Variants in RTTN observed in about 807,000 individuals in gnomAD.
RTTN encodes rotatin.
In RTTN, 182 loss-of-function variants were observed where a neutral mutation model predicts 269.2. The observed-to-expected ratio is 0.68, with a 90% confidence interval of 0.60 to 0.76. RTTN has a LOEUF of 0.76. Ranked by LOEUF, RTTN falls within the 30% of genes least tolerant of loss-of-function variation. The pLI, the probability that RTTN is intolerant of heterozygous loss-of-function variation, is 0.00. For synonymous variants in RTTN, 1,006 were observed against 963.5 expected (o/e 1.04, Z -0.82); for missense variants, 2,545 against 2,608.6 (o/e 0.98, Z 0.53).
intron 9 of RTTN, among the ~76,000 whole-genome samples, chr18:70,189,572 A>G (rs1040737461): frequency 6.6e-6 from 1 of 152,200 alleles, no homozygotes; most frequent in African/African-American, 2.4e-5. Context: ...GCAAAATGCT[A>G]AAGTATTTAA....
chr18:70,078,881 T>C (rs1178498636), intron 32 of RTTN, among the ~76,000 whole-genome samples: 1 of 152,096 alleles, frequency 6.6e-6, no homozygotes, highest in East Asian at 1.9e-4. Context: ...ATCTCAGCCA[T>C]GTCTTACTCA....
rs1175203597 is a variant in RTTN at position 70,184,709 on chromosome 18, TTTTTTTTTGTGTGTGTGTGTGTGTG to T, written c.1305+3374_1305+3398del. 6.4e-3 allele frequency among the ~76,000 whole-genome samples: 377 copies of T among 59,270 alleles called. 8 individuals carry two copies. Among genetic ancestry groups the T allele is most frequent in the African/African-American group, 0.028 (358 of 12,848 alleles). 38.9% of individuals were successfully genotyped at this position (59,270 alleles called of 152,430 possible). A position where few individuals can be genotyped will look rare whatever the true frequency, so the allele number is the denominator to read the frequency against. ...CCATTCAAAACCACAGCAGGTTTTT[TTTTTTTTTGTGTGTGTGTGTGTGTG>T]TGTGTGTGTGTGTGTGTGTGTGTGG... On this transcript the variant is annotated intron_variant, in intron 10 of 48. Coordinates refer to ENST00000640769, the MANE Select transcript of RTTN (RefSeq NM_173630.4).
chr18:70,087,883 ATCATGG>A lies in RTTN; in HGVS notation c.4302+100_4302+105del, dbSNP rs2058742432. On this transcript the variant is annotated intron_variant, in intron 31 of 48. Transcript: ENST00000640769. ...GTTTGGGTGTTCACAGACAGAAGAG[ATCATGG>A]TCAGTGGTCAGTCCACCATGTTGAG... is the stretch of plus-strand genomic sequence containing the variant. 3 of 1,163,484 alleles carry A rather than the reference ATCATGG, an allele frequency of 2.6e-6. No homozygotes were observed. In the East Asian group the frequency reaches 7.1e-5, roughly 28 times the overall value. The allele number at this position is 1,163,484 out of a possible 1,614,324, so 72.1% of individuals were successfully genotyped here. A position where few individuals can be genotyped will look rare whatever the true frequency, so the allele number is the denominator to read the frequency against.
chr18:70,083,871 C>A (rs1599445448), intron 32 of RTTN, among the ~76,000 whole-genome samples: 2 of 149,934 alleles, frequency 1.3e-5, no homozygotes, highest in South Asian at 4.2e-4. Flanking sequence ...CCCAGGAACT[C>A]AAGGCCAGCC....
At chr18:70,168,608 A>G (rs1055919800) in intron 12 of RTTN, among the ~76,000 whole-genome samples, 1 of 152,176 alleles carries the variant, frequency 6.6e-6, no homozygotes, top group Non-Finnish European at 1.5e-5. Flanking sequence ...TGTAATAACC[A>G]CTGCTTTTTT....
intron 28 of RTTN, among the ~76,000 whole-genome samples, chr18:70,106,988 A>G (rs543018307): frequency 6.6e-6 from 1 of 152,322 alleles, no homozygotes; most frequent in Non-Finnish European, 1.5e-5. Flanking sequence ...GAAAACAATG[A>G]GTAATTTTTG....
intron 29 of RTTN, 124 bp from the exon 30 acceptor site, chr18:70,092,344 C>T: frequency 1.4e-6 from 1 of 696,618 alleles, no homozygotes; most frequent in South Asian, 2.1e-5. Flanking sequence ...TGGTTTTAAT[C>T]CATTATTCAG....
chr18:70,109,406 C>A, intron 28 of RTTN, 92 bp downstream of exon 28: 1 of 864,290 alleles, frequency 1.2e-6, no homozygotes, highest in Non-Finnish European at 1.9e-6. Context: ...TAATATTCTA[C>A]ATTGAATAGA....
At chr18:70,095,462 C>T (rs2058976903) in intron 28 of RTTN, among the ~76,000 whole-genome samples, 1 of 152,124 alleles carries the variant, frequency 6.6e-6, no homozygotes, top group Non-Finnish European at 1.5e-5. Context: ...ATATTTAGTG[C>T]TTTCTTCAGG....
intron 23 of RTTN, among the ~76,000 whole-genome samples, chr18:70,133,793 G>A (rs535544957): frequency 2.6e-5 from 4 of 152,172 alleles, no homozygotes; most frequent in South Asian, 2.1e-4. Context: ...AAATAAGTAC[G>A]TTTACTCAGA....
intron 34 of RTTN, among the ~76,000 whole-genome samples, chr18:70,066,974 A>G (rs1014394182): frequency 1.3e-5 from 2 of 152,328 alleles, no homozygotes; most frequent in Middle Eastern, 3.4e-3. Context: ...TTAAGTAAGT[A>G]TAACAGTCAT....
chr18:70,128,513 ATGG>A lies in RTTN; in HGVS notation c.2985_2987del (p.His996del). ...AAACTATGGAGTAAGGACTCACAGC[ATGG>A]TGTCCAATTACATGAACAGGTAGAT... On this transcript the variant is annotated inframe_deletion, in exon 24 of 49. Transcript: ENST00000640769. 5.0e-6 allele frequency: 8 copies of A among 1,612,944 alleles called. No homozygotes were observed. Among genetic ancestry groups the A allele is most frequent in the Non-Finnish European group, 6.8e-6 (8 of 1,179,322 alleles).
At position 70,180,899 on chromosome 18, in the gene RTTN, A is replaced by G. The variant is rs556963968; in HGVS notation, c.1306-4054T>C. Reference sequence around the variant, plus strand: ...GTATCTATCACCCATAGGCATAAAAAGCACTACATCTTATTTGATATCCCA... The same window carrying G: ...GTATCTATCACCCATAGGCATAAAAGGCACTACATCTTATTTGATATCCCA... On this transcript the variant is annotated intron_variant, in intron 10 of 48. Coordinates refer to ENST00000640769, the MANE Select transcript of RTTN (RefSeq NM_173630.4). Among the ~76,000 whole-genome samples the G allele has an allele frequency of 7.2e-5, 11 of 152,354 alleles. No homozygotes were observed. In the South Asian group the frequency reaches 1.2e-3, roughly 17 times the overall value.
chr18:70,163,380 C>CA (rs879783655), intron 14 of RTTN, among the ~76,000 whole-genome samples: 177 of 120,934 alleles, frequency 1.5e-3, no homozygotes, highest in Middle Eastern at 9.8e-3. Context: ...GACTCCATCT[C>CA]AAAAAAAAAA....
At chr18:70,155,782 G>A (rs2060658667) in intron 14 of RTTN, among the ~76,000 whole-genome samples, 2 of 152,366 alleles carry the variant, frequency 1.3e-5, no homozygotes, top group East Asian at 3.9e-4. Context: ...AATGTGGATT[G>A]TGAAGATTTC....
At position 70,087,990 on chromosome 18, in the gene RTTN, T is replaced by C; in HGVS notation, c.4301A>G (p.Glu1434Gly). The C allele has an allele frequency of 6.2e-7, 1 of 1,611,414 alleles. No individual in the cohort carries two copies. Among genetic ancestry groups the C allele is most frequent in the East Asian group, 2.2e-5 (1 of 44,864 alleles). Residue 1434 changes from glutamate to glycine, a missense_variant and splice_region_variant, in exon 31 of 49, where the codon GAG becomes GGG. Coordinates refer to ENST00000640769, the MANE Select transcript of RTTN (RefSeq NM_173630.4). ...DQSECSMVRR[E>G]AAFILQNLLV... ...AAAAAGGAGAAAAGACAGACATACC[T>C]CCCGGCGCACCATACTACATTCTGA...
At chr18:70,116,839 T>C (rs2145515064) in intron 26 of RTTN, among the ~76,000 whole-genome samples, 1 of 151,870 alleles carries the variant, frequency 6.6e-6, no homozygotes, top group African/African-American at 2.4e-5. Context: ...CCAAGGAAAA[T>C]ATATATGCTG....
intron 32 of RTTN, among the ~76,000 whole-genome samples, chr18:70,080,354 G>C (rs1002479978): frequency 1.3e-5 from 2 of 152,074 alleles, no homozygotes; most frequent in Non-Finnish European, 2.9e-5. Flanking sequence ...CTGATTCCAG[G>C]ATGGAGCTGG....
chr18:70,075,518 GTCC>G lies in RTTN; in HGVS notation c.4395_4397del (p.Glu1465del). On this transcript the variant is annotated inframe_deletion, in exon 33 of 49. Transcript: ENST00000640769. ...GTTTTCCAATGAGCGATAGGCCAGA[GTCC>G]TCATCATGAACACAGGGACCCTGTA... 6.3e-7 allele frequency: 1 copy of G among 1,586,064 alleles called. No homozygotes were observed. The highest frequency in any genetic ancestry group is 8.5e-7 in the Non-Finnish European group (1 of 1,170,182).
Sources: gnomAD v4.1 joint callset for allele counts (sites outside exome capture counted in the v4.1 genomes callset) on GRCh38, gnomAD v4.1.1 for gene constraint, MANE v1.5 for transcripts, NCBI Gene and HGNC (gene_info 2026-07-23, HGNC 2026-07-21) for gene names.